The following ST3GAL2 variants were observed in gnomAD, a reference collection of about 807,000 sequenced individuals.
ST3GAL2 encodes the protein ST3 beta-galactoside alpha-2,3-sialyltransferase 2, also known as CMP-N-acetylneuraminate-beta-galactosamide-alpha-2,3-sialyltransferase 2.
In ST3GAL2, 16 loss-of-function variants were observed where a neutral mutation model predicts 37.5. The ratio of observed to expected loss-of-function variants is 0.43; its 90% CI spans 0.29 to 0.65. ST3GAL2 has a LOEUF of 0.65. ST3GAL2 is among the 30% of genes least tolerant of loss of function. ST3GAL2 has a pLI of 0.17. For synonymous variants in ST3GAL2, 238 were observed against 202.9 expected (o/e 1.17, Z -1.47); for missense variants, 383 against 487.8 (o/e 0.79, Z 2.02).
intron 1 of ST3GAL2, among the ~76,000 whole-genome samples, chr16:70,402,496 A>G (rs1414888206): frequency 6.6e-6 from 1 of 152,186 alleles, no homozygotes; most frequent in Non-Finnish European, 1.5e-5. Flanking sequence ...GACATTTTCT[A>G]TGCCTCTCTA....
chr16:70,402,132 T>A (rs1172772252), intron 1 of ST3GAL2, among the ~76,000 whole-genome samples: 1 of 150,954 alleles, frequency 6.6e-6, no homozygotes, highest in Non-Finnish European at 1.5e-5. Flanking sequence ...AAACCCCATC[T>A]CTACTAAAAA....
chr16:70,420,938 C>T (rs547546516), intron 1 of ST3GAL2, among the ~76,000 whole-genome samples: 1 of 152,344 alleles, frequency 6.6e-6, no homozygotes, highest in Admixed American at 6.5e-5. Context: ...GTCCTCTGGA[C>T]ACTTCCTTTC....
chr16:70,412,504 C>T (rs892513601), intron 1 of ST3GAL2, among the ~76,000 whole-genome samples: 3 of 151,754 alleles, frequency 2.0e-5, no homozygotes, highest in East Asian at 3.9e-4. Context: ...ATTAGCCGGG[C>T]GTGGTGGCAT....
intron 2 of ST3GAL2, among the ~76,000 whole-genome samples, chr16:70,397,337 G>A (rs1388515457): frequency 7.3e-5 from 11 of 151,392 alleles, no homozygotes; most frequent in Admixed American, 2.6e-4. Context: ...CACCATGACC[G>A]GCCTTCCCTA....
intron 1 of ST3GAL2, among the ~76,000 whole-genome samples, chr16:70,418,232 G>A (rs2047689141): frequency 6.6e-6 from 1 of 152,184 alleles, no homozygotes; most frequent in Admixed American, 6.5e-5. Flanking sequence ...CTACGGCCTG[G>A]TGGGTCCTCT....
intron 1 of ST3GAL2, among the ~76,000 whole-genome samples, chr16:70,405,279 C>T (rs1473893484): frequency 2.0e-5 from 3 of 152,150 alleles, no homozygotes; most frequent in Non-Finnish European, 2.9e-5. Context: ...CGGTGGCTCA[C>T]GCCTGTAATC....
At chr16:70,436,445 C>T (rs1185460576) in intron 1 of ST3GAL2, among the ~76,000 whole-genome samples, 10 of 135,350 alleles carry the variant, frequency 7.4e-5, no homozygotes, top group East Asian at 4.3e-4. Context: ...AGTGAGACTT[C>T]GTCTCAAAAA....
intron 2 of ST3GAL2, among the ~76,000 whole-genome samples, 180 bp downstream of exon 2, chr16:70,398,012 A>C (rs2047528755): frequency 6.6e-6 from 1 of 152,168 alleles, no homozygotes; most frequent in South Asian, 2.1e-4. Context: ...AGGCACTAGA[A>C]AATACTAGCC....
At chr16:70,415,563 T>C (rs2047670849) in intron 1 of ST3GAL2, among the ~76,000 whole-genome samples, 1 of 152,070 alleles carries the variant, frequency 6.6e-6, no homozygotes, top group African/African-American at 2.4e-5. Flanking sequence ...GCGATTCTCC[T>C]GCCTCAGCCT....
intron 1 of ST3GAL2, among the ~76,000 whole-genome samples, chr16:70,434,716 GGCAGCAAGCACTCAATGAACA>G (rs1221497748): frequency 6.6e-6 from 1 of 152,188 alleles, no homozygotes; most frequent in East Asian, 1.9e-4. Flanking sequence ...ATGCCTGGCT[GGCAGCAAGCACTCAATGAACA>G]GCAGCCATAA....
chr16:70,409,805 ATT>A (rs980660367), intron 1 of ST3GAL2, among the ~76,000 whole-genome samples: 165 of 129,016 alleles, frequency 1.3e-3, no homozygotes, highest in Middle Eastern at 4.0e-3. Context: ...ACCTGGCTAA[ATT>A]TTTTTTTTTT....
intron 2 of ST3GAL2, among the ~76,000 whole-genome samples, chr16:70,395,557 G>GC (rs2047509966): frequency 6.6e-6 from 1 of 152,166 alleles, no homozygotes; most frequent in African/African-American, 2.4e-5. Flanking sequence ...TACAGGGGGC[G>GC]CCCCTGGCAC....
At chr16:70,403,532 CGTT>C (rs1043982275) in intron 1 of ST3GAL2, among the ~76,000 whole-genome samples, 1 of 151,916 alleles carries the variant, frequency 6.6e-6, no homozygotes, top group Admixed American at 6.6e-5. Context: ...AAAGTAAAAA[CGTT>C]GGGCATGAAG....
chr16:70,386,679 C>G (rs186802551), intron 4 of ST3GAL2, among the ~76,000 whole-genome samples: 31 of 151,916 alleles, frequency 2.0e-4, no homozygotes, highest in African/African-American at 6.5e-4. Context: ...GAGTTTTGCT[C>G]TTGTTGCCCA....
In ST3GAL2 at chr16:70,384,717, A is replaced by C. The variant is rs539384584; in HGVS notation, c.714-1482T>G. The stretch of plus-strand genomic sequence containing the variant: ...CGAAACTCTGTCTCAAAAAAAAAAA[A>C]AAAAAAAAACACAATAGTCAAATCA... On this transcript the variant is annotated intron_variant, in intron 4 of 6. Coordinates refer to ENST00000342907, the MANE Select transcript of ST3GAL2 (RefSeq NM_006927.4). Among the ~76,000 whole-genome samples, 14 of 150,560 alleles carry C rather than the reference A, an allele frequency of 9.3e-5. No homozygotes were observed. The South Asian group carries it at 1.5e-3, about 16-fold the overall frequency.
chr16:70,403,748 G>C (rs944300734), intron 1 of ST3GAL2, among the ~76,000 whole-genome samples: 3 of 152,188 alleles, frequency 2.0e-5, no homozygotes, highest in Non-Finnish European at 4.4e-5. Flanking sequence ...GGGAGTCAGA[G>C]GTTGTGTGAG....
intron 3 of ST3GAL2, among the ~76,000 whole-genome samples, chr16:70,391,919 C>T (rs1161087866): frequency 6.6e-6 from 1 of 152,206 alleles, no homozygotes; most frequent in Non-Finnish European, 1.5e-5. Flanking sequence ...AAGGTGTACA[C>T]TTGACCTAAG....
chr16:70,419,809 A>G (rs1460699071), intron 1 of ST3GAL2, among the ~76,000 whole-genome samples: 4 of 152,150 alleles, frequency 2.6e-5, no homozygotes, highest in Non-Finnish European at 5.9e-5. Context: ...CCGGGCTGGT[A>G]TGACCTCTGC....
chr16:70,437,108 C>G (rs1010994376), intron 1 of ST3GAL2, among the ~76,000 whole-genome samples: 1 of 152,184 alleles, frequency 6.6e-6, no homozygotes, highest in African/African-American at 2.4e-5. Context: ...AGAAGCTTGG[C>G]TTTATCTGGG....
Sources: gnomAD v4.1 joint callset for allele counts (sites outside exome capture counted in the v4.1 genomes callset) on GRCh38, gnomAD v4.1.1 for gene constraint, MANE v1.5 for transcripts, NCBI Gene and HGNC (gene_info 2026-07-23, HGNC 2026-07-21) for gene names.